VPS13B: variants seen among roughly 807,000 people sequenced by gnomAD.
The protein encoded by VPS13B is intermembrane lipid transfer protein VPS13B.
A neutral mutation model predicts 426.4 loss-of-function variants in VPS13B; 285 were observed. That is an observed-to-expected ratio of 0.67 (90% CI 0.61 to 0.74). The LOEUF (loss-of-function observed/expected upper bound fraction) is 0.74. Among genes scored for constraint, VPS13B ranks in the 30% least tolerant of loss-of-function variants. The pLI, the probability that VPS13B is intolerant of heterozygous loss-of-function variation, is 0.00. For synonymous variants in VPS13B, 1,676 were observed against 1,676.4 expected, an observed-to-expected ratio of 1.00 and a Z score of 0.01; for missense variants, 4,537 against 4,782.6, an observed-to-expected ratio of 0.95 and a Z score of 1.51.
chr8:99,156,688 T>C lies in VPS13B; in HGVS notation c.2153T>C (p.Leu718Pro). The change falls in exon 15 of 62, where the codon CTT (leucine) becomes CCT (proline). Residue 718 changes from leucine to proline, a missense_variant. Coordinates refer to ENST00000357162, the MANE Select transcript of VPS13B (RefSeq NM_152564.5). Reference sequence around the variant, plus strand: ...CAGTTGGTGCATGTGGTCAGCAGCCTTACTCAACCTTCTGATAACCTGCTT... The same window carrying C: ...CAGTTGGTGCATGTGGTCAGCAGCCCTACTCAACCTTCTGATAACCTGCTT... ...AEQLVHVVSS[L>P]TQPSDNLLHY... is the part of the protein sequence containing the mutation. The C allele has an allele frequency of 1.9e-6, 3 of 1,614,088 alleles. No homozygotes were observed. The highest frequency in any genetic ancestry group is 2.5e-6 in the Non-Finnish European group (3 of 1,179,912).
chr8:99,285,670 A>G (rs193230740), intron 19 of VPS13B, among the ~76,000 whole-genome samples: 122 of 152,252 alleles, frequency 8.0e-4, no homozygotes, highest in African/African-American at 2.7e-3. Flanking sequence ...ACCCAATGAC[A>G]TTAGCCTTGT....
In VPS13B at chr8:99,853,967, C is replaced by G. The variant is rs148265212; in HGVS notation, c.10578C>G (p.Asn3526Lys). ...IKTLFDTYLP[N>K]SRLAGHSTHL... The stretch of plus-strand genomic sequence containing the variant: ...CTTTGTTTGACACCTACCTTCCTAA[C>G]AGCAGGTTGGCTGGTCACTCCACAC... Residue 3526 changes from asparagine (N) to lysine (K), a missense_variant, in exon 56 of 62, where the codon AAC becomes AAG. Asn to Lys is a moderately conservative substitution (Grantham distance 94). Around this residue, in one of 2 missense-constraint regions of VPS13B, gnomAD observed 4,311 missense variants for 4,474.3 expected, o/e 0.96. Coordinates refer to ENST00000357162, the MANE Select transcript of VPS13B (RefSeq NM_152564.5). The G allele has an allele frequency of 3.7e-6, 6 of 1,614,262 alleles. No individual in the cohort carries two copies. The highest frequency in any genetic ancestry group is 3.3e-5 in the South Asian group (3 of 91,084).
intron 19 of VPS13B, among the ~76,000 whole-genome samples, chr8:99,315,141 G>T (rs1821247770): frequency 6.6e-6 from 1 of 151,942 alleles, no homozygotes; most frequent in Admixed American, 6.6e-5. Context: ...TTTTTTGATG[G>T]AATCTCTGGC....
chr8:99,715,823 AT>A (rs930023221), intron 36 of VPS13B, among the ~76,000 whole-genome samples: 4 of 152,288 alleles, frequency 2.6e-5, no homozygotes, highest in African/African-American at 9.6e-5. Context: ...GATATATTTC[AT>A]TTAGCAAATA....
At chr8:99,406,422 C>T (rs1815336074) in intron 21 of VPS13B, among the ~76,000 whole-genome samples, 1 of 152,080 alleles carries the variant, frequency 6.6e-6, no homozygotes, top group South Asian at 2.1e-4. Context: ...ATTCCTTAAT[C>T]TTTTAAACCC....
intron 23 of VPS13B, among the ~76,000 whole-genome samples, chr8:99,451,001 C>T (rs1818170228): frequency 6.6e-6 from 1 of 151,940 alleles, no homozygotes; most frequent in Non-Finnish European, 1.5e-5. Flanking sequence ...AAATATGGTA[C>T]AAAATTTAAT....
chr8:99,152,309 A>T (rs1311658956), intron 14 of VPS13B, among the ~76,000 whole-genome samples: 1 of 152,130 alleles, frequency 6.6e-6, no homozygotes, highest in Non-Finnish European at 1.5e-5. Context: ...AAGTATTTTG[A>T]CATTTTTTAG....
intron 3 of VPS13B, among the ~76,000 whole-genome samples, chr8:99,084,487 T>C (rs1845660088): frequency 6.6e-6 from 1 of 152,210 alleles, no homozygotes; most frequent in Admixed American, 6.5e-5. Context: ...ATTTCTTGCC[T>C]TCTGCTAGCT....
At chr8:99,630,568 T>A (rs1370153840) in intron 33 of VPS13B, among the ~76,000 whole-genome samples, 1 of 151,960 alleles carries the variant, frequency 6.6e-6, no homozygotes, top group Non-Finnish European at 1.5e-5. Flanking sequence ...ATTCCCTTCA[T>A]TTGTCCCTCC....
chr8:99,752,640 T>C (rs1285033737), intron 39 of VPS13B, among the ~76,000 whole-genome samples: 1 of 152,194 alleles, frequency 6.6e-6, no homozygotes, highest in Non-Finnish European at 1.5e-5. Flanking sequence ...CTAAGTTGAC[T>C]TTTTTCTAAA....
chr8:99,239,792 ATTTTCTG>A (rs1484267058), intron 17 of VPS13B, among the ~76,000 whole-genome samples: 3 of 152,134 alleles, frequency 2.0e-5, no homozygotes, highest in African/African-American at 7.2e-5. Flanking sequence ...GAATCCAAGC[ATTTTCTG>A]TTTATAGTTA....
intron 30 of VPS13B, among the ~76,000 whole-genome samples, chr8:99,526,133 G>C (rs1283904490): frequency 6.6e-6 from 1 of 152,008 alleles, no homozygotes; most frequent in South Asian, 2.1e-4. Flanking sequence ...CACCAGCAGG[G>C]ACTAGAGATA....
In VPS13B at chr8:99,428,441, G is replaced by T. The variant is rs900366769; in HGVS notation, c.3083-3096G>T. 2.0e-5 allele frequency among the ~76,000 whole-genome samples: 3 copies of T among 151,818 alleles called. No individual in the cohort carries two copies. In the East Asian group the frequency reaches 5.8e-4, roughly 29 times the overall value. On this transcript the variant is annotated intron_variant, in intron 21 of 61. Coordinates refer to ENST00000357162, the MANE Select transcript of VPS13B (RefSeq NM_152564.5). ...ACAATGAACTCAAACAAATTTACAA[G>T]AAAAAAACAACCCCATCAAAAAGTG...
At chr8:99,470,678 C>A (rs1819354132) in intron 24 of VPS13B, among the ~76,000 whole-genome samples, 1 of 150,402 alleles carries the variant, frequency 6.6e-6, no homozygotes, top group Admixed American at 6.6e-5. Flanking sequence ...ATATTGTGTA[C>A]TACTTGGAGT....
At chr8:99,394,871 A>T (rs1814643830) in intron 21 of VPS13B, among the ~76,000 whole-genome samples, 1 of 152,210 alleles carries the variant, frequency 6.6e-6, no homozygotes, top group Admixed American at 6.5e-5. Context: ...AAATGAAGAC[A>T]TGTGATAATG....
chr8:99,741,733 A>C (rs1185057317), intron 39 of VPS13B, among the ~76,000 whole-genome samples: 1 of 151,990 alleles, frequency 6.6e-6, no homozygotes, highest in Non-Finnish European at 1.5e-5. Context: ...TACTGGGTAC[A>C]TAACGAAATG....
At chr8:99,571,317 T>C (rs1052068474) in intron 31 of VPS13B, among the ~76,000 whole-genome samples, 1 of 152,128 alleles carries the variant, frequency 6.6e-6, no homozygotes, top group Non-Finnish European at 1.5e-5. Flanking sequence ...TTCTTTTCTG[T>C]TTTTCTTTTG....
intron 39 of VPS13B, among the ~76,000 whole-genome samples, chr8:99,738,528 T>G (rs968401170): frequency 2.0e-5 from 3 of 152,262 alleles, no homozygotes; most frequent in Non-Finnish European, 2.9e-5. Flanking sequence ...AACCTTGATG[T>G]AAGCTACTTT....
intron 3 of VPS13B, among the ~76,000 whole-genome samples, chr8:99,089,409 T>C (rs890308265): frequency 4.6e-5 from 7 of 152,166 alleles, no homozygotes; most frequent in Non-Finnish European, 1.0e-4. Flanking sequence ...GACGTCCTGA[T>C]GACGTGTGCC....
Sources: gnomAD v4.1 joint callset for allele counts (sites outside exome capture counted in the v4.1 genomes callset) on GRCh38, gnomAD v4.1.1 for gene constraint, gnomAD v4.1.1 regional missense constraint, MANE v1.5 for transcripts, NCBI Gene and HGNC (gene_info 2026-07-23, HGNC 2026-07-21) for gene names.